ANKRD27: variants seen among roughly 807,000 people sequenced by gnomAD.
ANKRD27 encodes ankyrin repeat domain 27, also known as ankyrin repeat domain-containing protein 27.
A neutral mutation model predicts 129.7 loss-of-function variants in ANKRD27; 112 were observed. That is an observed-to-expected ratio of 0.86 (90% CI 0.74 to 1.01). The LOEUF (loss-of-function observed/expected upper bound fraction) is 1.01, where lower values mean the gene tolerates loss of function less well. Among genes scored for constraint, ANKRD27 ranks in the 50% least tolerant of loss-of-function variants. ANKRD27 has a pLI of 0.00. For missense variants in ANKRD27, 1,258 were observed against 1,300.5 expected (o/e 0.97, Z 0.50); for synonymous variants, 516 against 511.2 (o/e 1.01, Z -0.13).
chr19:32,612,229 G>C (rs922089347), intron 22 of ANKRD27, among the ~76,000 whole-genome samples: 1 of 152,202 alleles, frequency 6.6e-6, no homozygotes, highest in East Asian at 1.9e-4. Flanking sequence ...GTCAAAGAAG[G>C]CCTAAATACT....
At chr19:32,639,092 A>C in intron 12 of ANKRD27, 1 of 465,294 alleles carries the variant, frequency 2.1e-6, no homozygotes, top group Non-Finnish European at 3.8e-6. Context: ...CTTTGCACCC[A>C]CATGTCTTTG....
At chr19:32,614,564 G>A (rs905282052) in intron 22 of ANKRD27, among the ~76,000 whole-genome samples, 2 of 152,024 alleles carry the variant, frequency 1.3e-5, no homozygotes, top group Non-Finnish European at 2.9e-5. Context: ...AATTAGCTGG[G>A]CGTGGTGGTG....
intron 1 of ANKRD27, among the ~76,000 whole-genome samples, chr19:32,668,787 A>G (rs259275): frequency 0.49 from 73,977 of 151,024 alleles, 20,950 homozygotes; most frequent in Non-Finnish European, 0.65. Context: ...GTCTCGCTAC[A>G]TTGCCCAAGT....
chr19:32,623,232 T>C (rs1002928432), intron 17 of ANKRD27, among the ~76,000 whole-genome samples: 8 of 152,218 alleles, frequency 5.3e-5, no homozygotes, highest in African/African-American at 1.9e-4. Flanking sequence ...CTTGCAAGAC[T>C]GCCTGTTGGC....
intron 2 of ANKRD27, among the ~76,000 whole-genome samples, chr19:32,658,214 T>A (rs1296326837): frequency 6.6e-6 from 1 of 152,094 alleles, no homozygotes; most frequent in African/African-American, 2.4e-5. Flanking sequence ...AGGCCACAGA[T>A]GACACAAATG....
chr19:32,659,108 C>T, intron 1 of ANKRD27, 63 bp from the exon 2 acceptor site: 2 of 758,436 alleles, frequency 2.6e-6, no homozygotes, highest in South Asian at 1.4e-5. Context: ...ACATGAAAGT[C>T]TGCATCTGAT....
intron 28 of ANKRD27, 79 bp from the exon 29 acceptor site, chr19:32,598,457 T>A (rs1971603671): frequency 1.5e-6 from 2 of 1,336,452 alleles, no homozygotes; most frequent in African/African-American, 1.4e-5. Context: ...CAGCTGCCCC[T>A]TAGTGCCTAG....
At chr19:32,619,763 G>A (rs755134779) in intron 18 of ANKRD27, among the ~76,000 whole-genome samples, 3 of 152,084 alleles carry the variant, frequency 2.0e-5, no homozygotes, top group South Asian at 4.1e-4. Flanking sequence ...CCCCGAAGTC[G>A]GGGCTTCCTC....
chr19:32,661,363 C>T (rs1198022543), intron 1 of ANKRD27, among the ~76,000 whole-genome samples: 1 of 152,030 alleles, frequency 6.6e-6, no homozygotes, highest in African/African-American at 2.4e-5. Flanking sequence ...TTCACACTGT[C>T]GCCCAGGCTA....
chr19:32,625,772 T>G lies in ANKRD27; in HGVS notation c.1629+102A>C, dbSNP rs1175123447. The G allele has an allele frequency of 2.6e-5, 27 of 1,038,812 alleles. No individual in the cohort carries two copies. The South Asian group carries it at 4.9e-4, about 19-fold the overall frequency. 64.3% of individuals were successfully genotyped at this position (1,038,812 alleles called of 1,614,324 possible). ...TTAAAAAAATTTACACACCCAATGT[T>G]CCAATAATTATCGACACAAAATACA... On this transcript the variant is annotated intron_variant, in intron 17 of 28. Transcript: ENST00000306065.
intron 26 of ANKRD27, chr19:32,600,346 C>A (rs560107282): frequency 2.6e-4 from 60 of 232,478 alleles, no homozygotes; most frequent in African/African-American, 1.3e-3. Context: ...TCAAGACCAG[C>A]CTGGGCAACA....
intron 1 of ANKRD27, among the ~76,000 whole-genome samples, chr19:32,674,003 A>T (rs12973636): frequency 6.7e-6 from 1 of 149,808 alleles, no homozygotes; most frequent in Non-Finnish European, 1.5e-5. Flanking sequence ...AAAAAAAATT[A>T]AAAATTAGCC....
At position 32,625,929 on chromosome 19, in the gene ANKRD27, T is replaced by C. The variant is rs1335709674; in HGVS notation, c.1574A>G (p.Gln525Arg). Residue 525 changes from glutamine to arginine, a missense_variant, in exon 17 of 29, where the codon CAG (glutamine) becomes CGG (arginine). Physicochemically the swap from Gln to Arg is conservative, Grantham distance 43. Coordinates refer to ENST00000306065, the MANE Select transcript of ANKRD27 (RefSeq NM_032139.3). ...GAGTGGCGTATTCCCATTGTTGTCCTGCACTTCCGCGCTGGCCTTGTAGTG... is the reference window on the plus strand; with the variant it reads ...GAGTGGCGTATTCCCATTGTTGTCCCGCACTTCCGCGCTGGCCTTGTAGTG... Reference protein sequence around the residue: ...LLHYKASAEVQDNNGNTPLHL... With the variant: ...LLHYKASAEVRDNNGNTPLHL... 7 of 1,611,208 alleles carry C rather than the reference T, an allele frequency of 4.3e-6. No homozygotes were observed. The highest frequency in any genetic ancestry group is 1.7e-4 in the Middle Eastern group (1 of 6,056).
intron 15 of ANKRD27, among the ~76,000 whole-genome samples, chr19:32,627,392 TTATTTATTTATTTA>T (rs1278578911): frequency 1.8e-5 from 1 of 56,794 alleles, no homozygotes; most frequent in African/African-American, 3.7e-5. Flanking sequence ...ATTTATTTAT[TTATTTATTTATTTA>T]TTTATTTTTT....
At chr19:32,634,137 T>C (rs73030677) in intron 12 of ANKRD27, among the ~76,000 whole-genome samples, 9,109 of 152,316 alleles carry the variant, frequency 0.06, 392 homozygotes, top group Non-Finnish European at 0.094. Flanking sequence ...GATGTCCTCA[T>C]ATTTAGTCCT....
At position 32,649,787 on chromosome 19, in the gene ANKRD27, T is replaced by C; in HGVS notation, c.108A>G (p.Leu36=). ...TCGACAGGCTTCCTTTGCAGGGTAC[T>C]AAGACCTGGAAAAAACAATTCGGGG... The part of the protein sequence containing the change: ...SKVAQIHGIV[L]VPCKGSLSSS... The change falls in exon 3 of 29, where the codon TTA becomes TTG. Residue 36 remains leucine (L), a synonymous_variant. Coordinates refer to ENST00000306065, the MANE Select transcript of ANKRD27 (RefSeq NM_032139.3). 6.2e-7 allele frequency: 1 copy of C among 1,611,016 alleles called. No individual in the cohort carries two copies. The highest frequency in any genetic ancestry group is 8.5e-7 in the Non-Finnish European group (1 of 1,177,262).
intron 22 of ANKRD27, among the ~76,000 whole-genome samples, chr19:32,611,571 A>C (rs1363104909): frequency 6.6e-6 from 1 of 152,166 alleles, no homozygotes; most frequent in Non-Finnish European, 1.5e-5. Context: ...TATCTATTTT[A>C]TAAAGTCAAA....
intron 22 of ANKRD27, among the ~76,000 whole-genome samples, chr19:32,612,589 G>A (rs1191901809): frequency 2.0e-5 from 3 of 152,078 alleles, no homozygotes; most frequent in African/African-American, 4.8e-5. Flanking sequence ...AAGACAGCGC[G>A]GTACTGGTAG....
intron 12 of ANKRD27, among the ~76,000 whole-genome samples, chr19:32,635,303 C>CA (rs1967068984): frequency 6.6e-6 from 1 of 152,096 alleles, no homozygotes; most frequent in Non-Finnish European, 1.5e-5. Flanking sequence ...GAGGGCAGGG[C>CA]AAAAACCACC....
Sources: allele counts gnomAD v4.1 joint callset (sites outside exome capture counted in the v4.1 genomes callset), GRCh38; gene constraint gnomAD v4.1.1; transcripts MANE v1.5; gene names NCBI Gene and HGNC (gene_info 2026-07-23, HGNC 2026-07-21).